Variants in NBPF8 observed in about 807,000 individuals in gnomAD.
The protein encoded by NBPF8 is NBPF family member NBPF8.
In NBPF8 at chr1:120,464,357, C is replaced by T. The variant is rs1661682261; in HGVS notation, n.3287-19C>T. Reference sequence around the variant, plus strand: ...CTGATTTCCCCTGGCGTATTCTTTACTTTTTCCTCCTTTTCCAGGCTCAGC... The same window carrying T: ...CTGATTTCCCCTGGCGTATTCTTTATTTTTTCCTCCTTTTCCAGGCTCAGC... On this transcript the variant is annotated intron_variant and non_coding_transcript_variant, in intron 22 of 24. Coordinates refer to ENST00000583271, the Ensembl canonical transcript of NBPF8. The T allele has an allele frequency of 2.6e-6, 2 of 783,834 alleles. No individual in the cohort carries two copies. Among genetic ancestry groups the T allele is most frequent in the South Asian group, 1.3e-5 (1 of 74,572 alleles). 48.6% of individuals were successfully genotyped at this position (783,834 alleles called of 1,614,324 possible). A position where few individuals can be genotyped will look rare whatever the true frequency, so the allele number is the denominator to read the frequency against.
intron 3 of NBPF8, among the ~76,000 whole-genome samples, chr1:120,429,151 C>A (rs1234366009): frequency 5.2e-4 from 79 of 151,884 alleles, no homozygotes; most frequent in Middle Eastern, 3.4e-3. Flanking sequence ...CCCGATGGAG[C>A]CTGGAAGTGA....
Position 120,465,376 on chromosome 1 carries a change from C to T in NBPF8, n.3568+5C>T. The T allele has an allele frequency of 1.6e-6, 1 of 606,174 alleles. No homozygotes were observed. The highest frequency in any genetic ancestry group is 3.0e-6 in the Non-Finnish European group (1 of 334,898). The allele number at this position is 606,174 out of a possible 1,614,324, so 37.5% of individuals were successfully genotyped here. A position where few individuals can be genotyped will look rare whatever the true frequency, so the allele number is the denominator to read the frequency against. ...TCAAAACCCACCATGCCCCAGGTAA[C>T]TTTCAGCAATTGTGGATGCTTAATT... On this transcript the variant is annotated splice_donor_5th_base_variant and intron_variant and non_coding_transcript_variant, in intron 24 of 24. Transcript: ENST00000583271.
At chr1:120,462,291 C>T (rs1661613333) in intron 20 of NBPF8, 94 bp downstream of exon 18, 2 of 670,272 alleles carry the variant, frequency 3.0e-6, no homozygotes, top group Non-Finnish European at 5.3e-6. Context: ...TTCATGTTTT[C>T]AACGAAGGTT....
intron 1 of NBPF8, among the ~76,000 whole-genome samples, chr1:120,425,511 A>G (rs1210127653): frequency 2.6e-5 from 4 of 152,090 alleles, no homozygotes; most frequent in Non-Finnish European, 5.9e-5. Context: ...GTCCTGCCAC[A>G]TCCCCCTCTC....
intron 21 of NBPF8, among the ~76,000 whole-genome samples, chr1:120,463,220 C>G (rs1661643141): frequency 6.9e-6 from 1 of 144,094 alleles, no homozygotes; most frequent in Admixed American, 6.9e-5. Context: ...CACATTGGAC[C>G]CAGGCAGATG....
chr1:120,456,869 T>C (rs1353869065), intron 16 of NBPF8, among the ~76,000 whole-genome samples: 6 of 151,960 alleles, frequency 3.9e-5, no homozygotes, highest in Admixed American at 2.0e-4. Flanking sequence ...CAATGGTCTT[T>C]ACAGTTTGGC....
At chr1:120,418,454 T>C (rs1174266999), upstream of NBPF8, among the ~76,000 whole-genome samples, 3 of 139,078 alleles carry the variant, frequency 2.2e-5, no homozygotes, top group South Asian at 2.3e-4. Context: ...GAAAACTTTA[T>C]GGATCGTACC....
chr1:120,415,385 C>CG (rs1660402842), upstream of NBPF8, among the ~76,000 whole-genome samples: 1 of 85,106 alleles, frequency 1.2e-5, no homozygotes, highest in Non-Finnish European at 2.4e-5. Flanking sequence ...GAGGGCGAGG[C>CG]GGGGTGGGGG....
downstream of NBPF8, among the ~76,000 whole-genome samples, chr1:120,468,290 G>A (rs1278076361): frequency 2.6e-5 from 4 of 151,566 alleles, no homozygotes; most frequent in South Asian, 2.1e-4. Flanking sequence ...ATATATTAAC[G>A]CTCATGAGCT....
chr1:120,450,039 C>T (rs1556606548), intron 11 of NBPF8, among the ~76,000 whole-genome samples: 2 of 152,104 alleles, frequency 1.3e-5, no homozygotes, highest in South Asian at 2.1e-4. Flanking sequence ...CCAGCCTGGG[C>T]AACATGGAGA....
chr1:120,449,605 G>T (rs181153531), intron 11 of NBPF8, among the ~76,000 whole-genome samples: 1 of 152,222 alleles, frequency 6.6e-6, no homozygotes, highest in Admixed American at 6.5e-5. Flanking sequence ...TCAATCAGGT[G>T]GGGGTGGGAC....
upstream of NBPF8, among the ~76,000 whole-genome samples, chr1:120,419,111 C>T (rs2101419094): frequency 6.6e-6 from 1 of 152,204 alleles, no homozygotes; most frequent in East Asian, 1.9e-4. Flanking sequence ...CATACTAATA[C>T]CATATTCAAC....
chr1:120,456,303 C>G (rs1358105009), intron 16 of NBPF8, among the ~76,000 whole-genome samples: 5 of 150,596 alleles, frequency 3.3e-5, no homozygotes, highest in South Asian at 2.1e-4. Context: ...GAGCTGAGTT[C>G]AAGTCCTGGA....
At chr1:120,457,727 T>TAAAAAA (rs1296846675) in intron 16 of NBPF8, among the ~76,000 whole-genome samples, 1 of 53,276 alleles carries the variant, frequency 1.9e-5, no homozygotes, top group African/African-American at 1.4e-4. Flanking sequence ...CTTAAAGTAT[T>TAAAAAA]AAAAAAAAAA....
chr1:120,416,764 T>C (rs1477547093), upstream of NBPF8, among the ~76,000 whole-genome samples: 17 of 152,142 alleles, frequency 1.1e-4, no homozygotes, highest in African/African-American at 3.6e-4. Flanking sequence ...GTATTACATA[T>C]TGTTGAACGT....
At chr1:120,436,641 A>T in exon 1 of NBPF8, 1 of 1,501,452 alleles carries the variant, frequency 6.7e-7, no homozygotes, top group Non-Finnish European at 8.8e-7. Context: ...AACCTCAAAG[A>T]GAGATGTTTT....
At chr1:120,424,166 T>C (rs1461196807) in intron 1 of NBPF8, among the ~76,000 whole-genome samples, 13 of 152,210 alleles carry the variant, frequency 8.5e-5, no homozygotes, top group Middle Eastern at 3.4e-3. Context: ...TTTCATTATA[T>C]TTACATTTTC....
upstream of NBPF8, among the ~76,000 whole-genome samples, chr1:120,434,523 C>G (rs1445321374): frequency 7.4e-5 from 11 of 149,424 alleles, no homozygotes; most frequent in Admixed American, 4.7e-4. Flanking sequence ...CACCCCATGA[C>G]AGGCCCTGGT....
At chr1:120,431,397 TATA>T, upstream of NBPF8, among the ~76,000 whole-genome samples, 1 of 58,778 alleles carries the variant, frequency 1.7e-5, no homozygotes, top group Non-Finnish European at 3.8e-5. Context: ...TATATATATA[TATA>T]TACAGACACA....
Sources: gnomAD v4.1 joint callset for allele counts (sites outside exome capture counted in the v4.1 genomes callset) on GRCh38, gnomAD v4.1.1 for gene constraint, MANE v1.5 for transcripts, NCBI Gene and HGNC (gene_info 2026-07-23, HGNC 2026-07-21) for gene names.